Variants in FCRL5 observed in about 807,000 individuals in gnomAD.
FCRL5 encodes Fc receptor like 5, also known as Fc receptor-like protein 5.
In FCRL5, 79 loss-of-function variants were observed where a neutral mutation model predicts 92.1. The observed-to-expected ratio is 0.86, with a 90% CI of 0.72 to 1.03. The LOEUF (loss-of-function observed/expected upper bound fraction) is 1.03. Ranked by LOEUF, FCRL5 falls within the 50% of genes least tolerant of loss-of-function variation. The pLI, the probability that FCRL5 is intolerant of heterozygous loss-of-function variation, is 0.00. For missense variants in FCRL5, 1,160 were observed against 1,181.1 expected (o/e 0.98, Z 0.26); for synonymous variants, 466 against 469.3 (o/e 0.99, Z 0.09).
chr1:157,518,366 A>T, intron 15 of FCRL5, 63 bp downstream of exon 15: 1 of 1,411,848 alleles, frequency 7.1e-7, no homozygotes, highest in Non-Finnish European at 1.0e-6. Flanking sequence ...CTGAGTGGGT[A>T]GAAACTGAGC....
At chr1:157,540,700 G>A (rs1651221240) in intron 6 of FCRL5, among the ~76,000 whole-genome samples, 1 of 151,906 alleles carries the variant, frequency 6.6e-6, no homozygotes, top group African/African-American at 2.4e-5. Context: ...TTACAACTTG[G>A]TTTTAATCCC....
At chr1:157,546,169 C>T (rs113084198) in intron 3 of FCRL5, 27 of 381,686 alleles carry the variant, frequency 7.1e-5, no homozygotes, top group Middle Eastern at 8.1e-4. Flanking sequence ...ACATAGAGGC[C>T]GGGTGCAGTG....
chr1:157,551,531 T>G (rs1651810737), intron 1 of FCRL5, among the ~76,000 whole-genome samples: 2 of 152,242 alleles, frequency 1.3e-5, no homozygotes, highest in Non-Finnish European at 1.5e-5. Context: ...GGGAGCTTGT[T>G]GCATAGCTGC....
intron 7 of FCRL5, 76 bp downstream of exon 7, chr1:157,539,010 A>C: frequency 6.8e-7 from 1 of 1,477,588 alleles, no homozygotes; most frequent in Non-Finnish European, 9.3e-7. Flanking sequence ...TAGAAGGTAC[A>C]CGCTGACTTC....
chr1:157,539,386 T>C (rs1298521870), intron 6 of FCRL5, 22 bp from the exon 7 acceptor site: 1 of 1,572,238 alleles, frequency 6.4e-7, no homozygotes, highest in Non-Finnish European at 8.6e-7. Context: ...AAAAAATTAG[T>C]CAAGATTTGT....
In FCRL5 at chr1:157,513,667, A is replaced by G. The variant is rs1302165334; in HGVS notation, c.*2008T>C. ...AGACTGGACGGGGTCCACCCACATT[A>G]GGGTGGAGTTTGTTCTGCCACTGTG... On this transcript the variant is annotated 3_prime_UTR_variant, in exon 17 of 17. Coordinates refer to ENST00000361835, the MANE Select transcript of FCRL5 (RefSeq NM_031281.3). 1 of 152,176 alleles carries G rather than the reference A, an allele frequency of 6.6e-6. No individual in the cohort carries two copies. The highest frequency in any genetic ancestry group is 1.5e-5 in the Non-Finnish European group (1 of 68,024). 9.4% of individuals were successfully genotyped at this position (152,176 alleles called of 1,614,324 possible).
chr1:157,519,135 A>G (rs1650067098), intron 13 of FCRL5: 1 of 202,402 alleles, frequency 4.9e-6, no homozygotes. Flanking sequence ...CTGGCTCCGA[A>G]CCCTGCATGC....
At chr1:157,538,956 T>G in intron 7 of FCRL5, 130 bp downstream of exon 7, 4 of 999,016 alleles carry the variant, frequency 4.0e-6, no homozygotes, top group Admixed American at 2.7e-5. Context: ...AGCTAGAGAG[T>G]GGAGGAGGAT....
intron 1 of FCRL5, among the ~76,000 whole-genome samples, chr1:157,550,126 A>G (rs1034147062): frequency 3.9e-5 from 6 of 152,204 alleles, no homozygotes; most frequent in African/African-American, 1.4e-4. Context: ...TAGAAAGGGC[A>G]CAGAAGTGGA....
rs74488328 is a variant in FCRL5, at chr1:157,533,986, C to G, written c.1681+628G>C. 40 of 160,424 alleles carry G rather than the reference C, an allele frequency of 2.5e-4. No individual in the cohort carries two copies. In the East Asian group the frequency reaches 6.7e-3, roughly 27 times the overall value. The allele number at this position is 160,424 out of a possible 1,614,324, so 9.9% of individuals were successfully genotyped here. On this transcript the variant is annotated intron_variant, in intron 8 of 16. Coordinates refer to ENST00000361835, the MANE Select transcript of FCRL5 (RefSeq NM_031281.3). The stretch of plus-strand genomic sequence containing the variant: ...ACAAAGATTCAAGTAAAAACAGAAG[C>G]AACTTAGCTCCTAAAAAGACACCAA...
intron 7 of FCRL5, among the ~76,000 whole-genome samples, chr1:157,536,395 G>A (rs1650972580): frequency 6.6e-6 from 1 of 152,168 alleles, no homozygotes; most frequent in Non-Finnish European, 1.5e-5. Context: ...TCCTTCTCAT[G>A]TCCCATTTCC....
intron 15 of FCRL5, among the ~76,000 whole-genome samples, chr1:157,516,450 G>A (rs767848468): frequency 5.3e-5 from 8 of 152,192 alleles, no homozygotes; most frequent in Non-Finnish European, 1.2e-4. Context: ...CATCTGTCAT[G>A]TATTGAGCAG....
chr1:157,521,352 A>T, intron 10 of FCRL5, 60 bp from the exon 11 acceptor site: 1 of 1,514,742 alleles, frequency 6.6e-7, no homozygotes. Context: ...TAAGAAACAA[A>T]AGGTATCATA....
In FCRL5 at chr1:157,539,244, T is replaced by C. The variant is rs2101631908; in HGVS notation, c.1244A>G (p.His415Arg). 5 of 1,614,180 alleles carry C rather than the reference T, an allele frequency of 3.1e-6. No homozygotes were observed. The South Asian group carries it at 5.5e-5, about 18-fold the overall frequency. The change falls in exon 7 of 17, where the codon CAT becomes CGT. Residue 415 changes from histidine (H) to arginine (R), a missense_variant. Physicochemically the swap from His to Arg is conservative, Grantham distance 29. Transcript: ENST00000361835. ...ACGCTCCAGGGCAGCACCCTCATGATGAAACTGGTACAGGATGGGGAGTGA... is the reference window on the plus strand; with the variant it reads ...ACGCTCCAGGGCAGCACCCTCATGACGAAACTGGTACAGGATGGGGAGTGA... ...RGSLPILYQF[H>R]HEGAALERRS...
Position 157,515,830 on chromosome 1 carries a change from G to T in FCRL5, c.2844+12C>A. 1 of 1,614,112 alleles carries T rather than the reference G, an allele frequency of 6.2e-7. No homozygotes were observed. Among genetic ancestry groups the T allele is most frequent in the Non-Finnish European group, 8.5e-7 (1 of 1,180,016 alleles). ...TGGGGGTGGGGGAGGGCATGCAGAA[G>T]GGGAGACTCACCTTGTTCCTGAGAT... On this transcript the variant is annotated intron_variant, in intron 16 of 16. Transcript: ENST00000361835.
chr1:157,544,913 C>T lies in FCRL5; in HGVS notation c.477G>A (p.Lys159=), dbSNP rs1409567826. 1 of 1,614,042 alleles carries T rather than the reference C, an allele frequency of 6.2e-7. No individual in the cohort carries two copies. The highest frequency in any genetic ancestry group is 1.3e-5 in the African/African-American group (1 of 74,930). Residue 159 remains lysine (K), a synonymous_variant, in exon 4 of 17, where the codon AAG becomes AAA. Transcript: ENST00000361835. ...TDFHIPHACL[K]DNGAYRCTGY... is the part of the protein sequence containing the mutation. ...CAGTACAGCGATATGCACCATTGTC[C>T]TTGAGACATGCATGAGGAATATGGA...
chr1:157,532,625 TG>T (rs1326165635), intron 8 of FCRL5: 1 of 152,210 alleles, frequency 6.6e-6, no homozygotes. Flanking sequence ...GATTAGCCTT[TG>T]TTTCTATATC....
intron 8 of FCRL5, among the ~76,000 whole-genome samples, chr1:157,529,382 G>A (rs1028104830): frequency 2.0e-5 from 3 of 152,190 alleles, no homozygotes; most frequent in African/African-American, 4.8e-5. Flanking sequence ...TATGAAAACA[G>A]TATGGAGATT....
At chr1:157,516,351 TCTGC>T (rs1356910530) in intron 15 of FCRL5, among the ~76,000 whole-genome samples, 1 of 152,196 alleles carries the variant, frequency 6.6e-6, no homozygotes, top group Non-Finnish European at 1.5e-5. Flanking sequence ...AAAAATATCC[TCTGC>T]CTGTAAGGTT....
Sources: allele counts gnomAD v4.1 joint callset (sites outside exome capture counted in the v4.1 genomes callset), GRCh38; gene constraint gnomAD v4.1.1; transcripts MANE v1.5; gene names NCBI Gene and HGNC (gene_info 2026-07-23, HGNC 2026-07-21).